TPST1: variants seen among roughly 807,000 people sequenced by gnomAD.
The protein encoded by TPST1 is protein-tyrosine sulfotransferase 1.
A neutral mutation model predicts 34.8 loss-of-function variants in TPST1; 20 were observed. That is an observed-to-expected ratio of 0.57 (90% CI 0.40 to 0.84). TPST1 has a LOEUF of 0.84. Ranked by LOEUF, TPST1 falls within the 40% of genes least tolerant of loss-of-function variation. The pLI, the probability that TPST1 is intolerant of heterozygous loss-of-function variation, is 0.00. For missense variants in TPST1, 353 were observed against 455.5 expected, an observed-to-expected ratio of 0.78 and a Z score of 2.05; for synonymous variants, 152 against 159.4, an observed-to-expected ratio of 0.95 and a Z score of 0.35.
intron 1 of TPST1, among the ~76,000 whole-genome samples, chr7:66,213,597 TA>T (rs1341420706): frequency 2.6e-5 from 4 of 151,704 alleles, no homozygotes; most frequent in Non-Finnish European, 4.4e-5. Context: ...CTACTAAAAA[TA>T]AAAAAAATTA....
chr7:66,309,793 C>G (rs1467543926), intron 3 of TPST1, among the ~76,000 whole-genome samples: 1 of 151,856 alleles, frequency 6.6e-6, no homozygotes, highest in Non-Finnish European at 1.5e-5. Flanking sequence ...GGTGGAATGA[C>G]CACTTGACCA....
intron 2 of TPST1, among the ~76,000 whole-genome samples, chr7:66,249,409 T>A (rs1790217883): frequency 6.6e-6 from 1 of 152,202 alleles, no homozygotes; most frequent in South Asian, 2.1e-4. Flanking sequence ...TCCTCCTTGG[T>A]CCTTTTCTGA....
At chr7:66,352,122 A>G (rs745860740) in intron 3 of TPST1, among the ~76,000 whole-genome samples, 20 of 152,232 alleles carry the variant, frequency 1.3e-4, no homozygotes, top group Non-Finnish European at 2.8e-4. Flanking sequence ...ATTCAAAAGG[A>G]ACCAGGAAGA....
intron 2 of TPST1, among the ~76,000 whole-genome samples, chr7:66,266,765 A>G (rs77318334): frequency 1.3e-5 from 2 of 152,238 alleles, no homozygotes; most frequent in African/African-American, 4.8e-5. Context: ...AAGTGTACAC[A>G]GCCAGCTGCA....
intron 4 of TPST1, among the ~76,000 whole-genome samples, chr7:66,356,403 T>C (rs1273030140): frequency 1.3e-5 from 2 of 152,096 alleles, no homozygotes; most frequent in African/African-American, 2.4e-5. Flanking sequence ...TTTATTGGGG[T>C]TTATTTATGC....
At chr7:66,352,615 A>G in intron 4 of TPST1, 60 bp downstream of exon 4, 3 of 1,578,692 alleles carry the variant, frequency 1.9e-6, no homozygotes, top group South Asian at 2.4e-5. Context: ...TTGAAGTAAT[A>G]TTTTTAAAGA....
Position 66,260,354 on chromosome 7 carries a change from A to G in TPST1, c.845+19084A>G, listed in dbSNP as rs1790464523. ...AAAGTCTGTGTTAAGTATGTGTGGAATTTCCCACTTGTGGAGTCAATGTGA... is the reference window on the plus strand; with the variant it reads ...AAAGTCTGTGTTAAGTATGTGTGGAGTTTCCCACTTGTGGAGTCAATGTGA... On this transcript the variant is annotated intron_variant, in intron 2 of 5. Coordinates refer to ENST00000304842, the MANE Select transcript of TPST1 (RefSeq NM_003596.4). Among the ~76,000 whole-genome samples the G allele has an allele frequency of 2.6e-5, 4 of 152,216 alleles. No individual in the cohort carries two copies. The South Asian group carries it at 8.3e-4, about 31-fold the overall frequency.
At chr7:66,244,105 C>T (rs1056066915) in intron 2 of TPST1, among the ~76,000 whole-genome samples, 11 of 151,652 alleles carry the variant, frequency 7.3e-5, no homozygotes, top group East Asian at 1.9e-4. Context: ...CCCCCCACCA[C>T]GCCCAGCTAA....
intron 2 of TPST1, among the ~76,000 whole-genome samples, chr7:66,282,067 T>C (rs1790942960): frequency 6.6e-6 from 1 of 152,166 alleles, no homozygotes; most frequent in Admixed American, 6.5e-5. Flanking sequence ...TGAGGCACTA[T>C]GTTTTGAGGT....
intron 3 of TPST1, among the ~76,000 whole-genome samples, chr7:66,340,945 AG>A (rs1792225107): frequency 6.6e-6 from 1 of 152,202 alleles, no homozygotes; most frequent in Admixed American, 6.5e-5. Flanking sequence ...TGGGAGGCAG[AG>A]GGTGCACCAA....
At chr7:66,212,649 G>T (rs1290614878) in intron 1 of TPST1, among the ~76,000 whole-genome samples, 1 of 151,740 alleles carries the variant, frequency 6.6e-6, no homozygotes, top group East Asian at 1.9e-4. Flanking sequence ...TAGTAGAGAC[G>T]GGGTTTCACC....
At chr7:66,224,829 T>TA (rs1789614471) in intron 1 of TPST1, among the ~76,000 whole-genome samples, 2 of 151,678 alleles carry the variant, frequency 1.3e-5, no homozygotes, top group African/African-American at 4.8e-5. Context: ...ATTCCTCAGA[T>TA]ACGTTTATTG....
At chr7:66,314,842 A>G (rs1485324815) in intron 3 of TPST1, among the ~76,000 whole-genome samples, 1 of 152,256 alleles carries the variant, frequency 6.6e-6, no homozygotes, top group Non-Finnish European at 1.5e-5. Flanking sequence ...GTAAAAATAC[A>G]GAATTATAAT....
intron 3 of TPST1, among the ~76,000 whole-genome samples, chr7:66,338,834 C>A (rs749365422): frequency 3.3e-5 from 5 of 151,932 alleles, no homozygotes; most frequent in Non-Finnish European, 7.4e-5. Flanking sequence ...TAGCAATAAA[C>A]GTCTATATCA....
chr7:66,229,959 C>T (rs746556474), intron 1 of TPST1, among the ~76,000 whole-genome samples: 5 of 152,104 alleles, frequency 3.3e-5, no homozygotes, highest in East Asian at 1.9e-4. Flanking sequence ...GAGGCCGAGG[C>T]GGGCGGATCA....
At chr7:66,317,930 G>A (rs1381147770) in intron 3 of TPST1, among the ~76,000 whole-genome samples, 3 of 152,148 alleles carry the variant, frequency 2.0e-5, no homozygotes, top group Admixed American at 6.5e-5. Context: ...AGGCCAAAGC[G>A]GGTGGATCAC....
chr7:66,323,399 T>C (rs1485696919), intron 3 of TPST1, among the ~76,000 whole-genome samples: 1 of 152,224 alleles, frequency 6.6e-6, no homozygotes, highest in African/African-American at 2.4e-5. Flanking sequence ...CTTCTGTTCT[T>C]AGTTTACTAA....
chr7:66,234,987 T>C (rs993046707), intron 1 of TPST1, among the ~76,000 whole-genome samples: 8 of 152,136 alleles, frequency 5.3e-5, no homozygotes, highest in African/African-American at 1.9e-4. Context: ...GCTTTCTTTT[T>C]TTGAATCTGT....
At chr7:66,331,416 A>AT (rs1214398758) in intron 3 of TPST1, among the ~76,000 whole-genome samples, 1 of 152,154 alleles carries the variant, frequency 6.6e-6, no homozygotes, top group Non-Finnish European at 1.5e-5. Flanking sequence ...GATTTTTCCT[A>AT]TAACTTGTAA....
Sources: gnomAD v4.1 joint callset for allele counts (sites outside exome capture counted in the v4.1 genomes callset) on GRCh38, gnomAD v4.1.1 for gene constraint, MANE v1.5 for transcripts, NCBI Gene and HGNC (gene_info 2026-07-23, HGNC 2026-07-21) for gene names.